SH3BP2: variants seen among roughly 807,000 people sequenced by gnomAD.
The protein encoded by SH3BP2 is SH3 domain binding protein 2, also known as SH3 domain-binding protein 2.
A neutral mutation model predicts 56.2 loss-of-function variants in SH3BP2; 38 were observed. The ratio of observed to expected loss-of-function variants is 0.68; its 90% confidence interval spans 0.52 to 0.89. SH3BP2 has a LOEUF of 0.89. SH3BP2 is among the 40% of genes least tolerant of loss of function. The pLI is 0.00. For missense variants in SH3BP2, 748 were observed against 762.6 expected (o/e 0.98, Z 0.23); for synonymous variants, 346 against 316.7 (o/e 1.09, Z -0.98).
chr4:2,821,323 G>A (rs1189263228), intron 2 of SH3BP2, among the ~76,000 whole-genome samples: 1 of 152,262 alleles, frequency 6.6e-6, no homozygotes, highest in African/African-American at 2.4e-5. Flanking sequence ...CCCTGGTCCT[G>A]GGCCGCCTGG....
At position 2,820,625 on chromosome 4, in the gene SH3BP2, C is replaced by G. The variant is rs1455119402; in HGVS notation, c.8C>G (p.Ala3Gly). MA[A>G]EEMHWPVPMK... is the part of the protein sequence containing the mutation. The stretch of plus-strand genomic sequence containing the variant: ...GTCCTTTATTGCAGCTTCATGGCGG[C>G]TGAAGAGATGCATTGGCCTGTCCCT... The change falls in exon 2 of 13, where the codon GCT (alanine) becomes GGT (glycine). Residue 3 changes from alanine (A) to glycine (G), a missense_variant. Ala to Gly is a moderately conservative substitution (Grantham distance 60, BLOSUM62 0). Coordinates refer to ENST00000503393, the MANE Select transcript of SH3BP2 (RefSeq NM_001122681.2). 6.2e-7 allele frequency: 1 copy of G among 1,614,166 alleles called. No individual in the cohort carries two copies. Among genetic ancestry groups the G allele is most frequent in the Admixed American group, 1.7e-5 (1 of 60,020 alleles).
At position 2,810,540 on chromosome 4, in the gene SH3BP2, C is replaced by T. The variant is rs1723705248; in HGVS notation, c.-4-10074C>T. On this transcript the variant is annotated intron_variant, in intron 1 of 12. Transcript: ENST00000503393. This position sits in a 1 kb window ranked among gnomAD's most constrained non-coding sequence, Gnocchi z 4.2. The stretch of plus-strand genomic sequence containing the variant: ...GGTGGCGTGTTCCTGAGAGCGCCGG[C>T]TGCCTCTGGGTTCTTATCTTCATGG... Among the ~76,000 whole-genome samples, 2 of 151,982 alleles carry T rather than the reference C, an allele frequency of 1.3e-5. No homozygotes were observed. The highest frequency in any genetic ancestry group is 4.1e-4 in the South Asian group (2 of 4,826).
chr4:2,832,083 C>A, intron 10 of SH3BP2, 105 bp downstream of exon 10: 2 of 1,243,616 alleles, frequency 1.6e-6, no homozygotes, highest in Non-Finnish European at 2.3e-6. Context: ...GGCACAAGTT[C>A]ATGGCCCTGC....
Position 2,810,523 on chromosome 4 carries a change from GT to G in SH3BP2, c.-4-10089del, listed in dbSNP as rs1723703632. On this transcript the variant is annotated intron_variant, in intron 1 of 12. Transcript: ENST00000503393. The surrounding 1 kb of genome is among the most constrained non-coding windows in gnomAD (Gnocchi z 4.2). Reference sequence around the variant, plus strand: ...TTGCCTGCCCAGTAAGGGGTGGCGTGTTCCTGAGAGCGCCGGCTGCCTCTGG... The same window carrying G: ...TTGCCTGCCCAGTAAGGGGTGGCGTGTCCTGAGAGCGCCGGCTGCCTCTGG... Among the ~76,000 whole-genome samples, 1 of 151,854 alleles carries G rather than the reference GT, an allele frequency of 6.6e-6. No homozygotes were observed. Among genetic ancestry groups the G allele is most frequent in the African/African-American group, 2.4e-5 (1 of 41,256 alleles).
chr4:2,824,784 G>C (rs1305420953), intron 4 of SH3BP2, 54 bp downstream of exon 4: 1 of 1,362,416 alleles, frequency 7.3e-7, no homozygotes, highest in East Asian at 2.3e-5. Context: ...GGGCCTGCAG[G>C]CACCAGGCTG....
At chr4:2,821,328 G>A (rs540852406) in intron 2 of SH3BP2, among the ~76,000 whole-genome samples, 11 of 152,352 alleles carry the variant, frequency 7.2e-5, no homozygotes, top group African/African-American at 2.2e-4. Flanking sequence ...GTCCTGGGCC[G>A]CCTGGTTGAG....
rs371367130 is a variant in SH3BP2, at chr4:2,832,308, C to T, written c.1407-23C>T. ...AAGCTGCCCGAGGAGGACTCACCCG[C>T]TAATATGACTGTCTTATTTTAGGTT... On this transcript the variant is annotated intron_variant, in intron 10 of 12. Transcript: ENST00000503393. The T allele has an allele frequency of 6.2e-5, 100 of 1,601,232 alleles. No individual in the cohort carries two copies. In the African/African-American group the frequency reaches 1.1e-3, roughly 17 times the overall value.
chr4:2,823,570 G>A (rs1403181816), intron 3 of SH3BP2: 1 of 455,496 alleles, frequency 2.2e-6, no homozygotes, highest in Non-Finnish European at 4.4e-6. Flanking sequence ...GCACTAACAG[G>A]CAGGTGGGCG....
intron 1 of SH3BP2, among the ~76,000 whole-genome samples, chr4:2,800,413 C>T (rs953238220): frequency 3.9e-5 from 6 of 152,154 alleles, no homozygotes; most frequent in East Asian, 1.9e-4. Context: ...CTGAGCTGCC[C>T]GAGCCTGCCC....
chr4:2,802,097 C>A (rs1373263827), intron 1 of SH3BP2, among the ~76,000 whole-genome samples: 3 of 149,094 alleles, frequency 2.0e-5, no homozygotes, highest in Admixed American at 6.7e-5. Context: ...GACAGAGAGA[C>A]CTGATCTCAA....
In SH3BP2 at chr4:2,840,907, T is replaced by A. The variant is rs1189061337; in HGVS notation, c.*7073T>A. 2 of 152,222 alleles carry A rather than the reference T, an allele frequency of 1.3e-5. No homozygotes were observed. Among genetic ancestry groups the A allele is most frequent in the Non-Finnish European group, 2.9e-5 (2 of 68,036 alleles). 9.4% of individuals were successfully genotyped at this position (152,222 alleles called of 1,614,324 possible). A position where few individuals can be genotyped will look rare whatever the true frequency, so the allele number is the denominator to read the frequency against. On this transcript the variant is annotated 3_prime_UTR_variant, in exon 13 of 13. Transcript: ENST00000503393. ...CAATAGGATTTTATATTTTTGTCCA[T>A]TGTGGTCTTGCTTATCTTAAGTTTG...
In SH3BP2 at chr4:2,824,645, A is replaced by G; in HGVS notation, c.272A>G (p.Asn91Ser). The change falls in exon 4 of 13, where the codon AAC becomes AGC. Residue 91 changes from asparagine (N) to serine (S), a missense_variant. Physicochemically the swap from Asn to Ser is conservative, Grantham distance 46 (BLOSUM62 1). This residue lies in a region of SH3BP2 where 104 missense variants were observed against 123.1 expected (regional missense o/e 0.84). Transcript: ENST00000503393. The part of the protein sequence containing the change: ...VMRAAEETTS[N>S]NVFPFKIIHI... ...CGGGCGGCTGAGGAGACCACGTCCA[A>G]CAACGTTTTCCCCTTCAAGATCATC... The G allele has an allele frequency of 1.2e-6, 2 of 1,613,940 alleles. No individual in the cohort carries two copies. Among genetic ancestry groups the G allele is most frequent in the South Asian group, 1.1e-5 (1 of 91,080 alleles).
At chr4:2,823,417 C>T (rs1724416248) in intron 3 of SH3BP2, 1 of 462,664 alleles carries the variant, frequency 2.2e-6, no homozygotes, top group African/African-American at 2.0e-5. Context: ...CCAGCCAGCC[C>T]AGGCCCTGTC....
At chr4:2,827,101 G>A (rs778770746) in intron 5 of SH3BP2, 129 bp from the exon 6 acceptor site, 3 of 744,144 alleles carry the variant, frequency 4.0e-6, no homozygotes, top group Non-Finnish European at 7.2e-6. Context: ...GTGTTTGTCA[G>A]TGTATCCGTG....
chr4:2,809,531 G>C (rs1381016459), intron 1 of SH3BP2, among the ~76,000 whole-genome samples: 2 of 152,110 alleles, frequency 1.3e-5, no homozygotes, highest in African/African-American at 2.4e-5. Flanking sequence ...GGGTCCCTGG[G>C]TGCCAGTCCC....
intron 1 of SH3BP2, chr4:2,798,927 G>A (rs11722784): frequency 0.2 from 188,525 of 938,904 alleles, 19,472 homozygotes; most frequent in African/African-American, 0.28. Context: ...GGATGCGTGA[G>A]GGTGAGGGTG....
intron 3 of SH3BP2, 111 bp from the exon 4 acceptor site, chr4:2,824,502 C>T: frequency 1.2e-6 from 1 of 837,358 alleles, no homozygotes; most frequent in Non-Finnish European, 2.0e-6. Flanking sequence ...GATCTGCCCT[C>T]TTCCGTTGGG....
intron 1 of SH3BP2, chr4:2,818,317 CCGTGCCGG>C: frequency 8.9e-7 from 1 of 1,120,556 alleles, no homozygotes; most frequent in East Asian, 4.5e-5. Flanking sequence ...CGGCCCGGGG[CCGTGCCGG>C]TGCTCGCAGG....
intron 1 of SH3BP2, chr4:2,812,589 T>C (rs1723799472): frequency 7.3e-7 from 1 of 1,363,586 alleles, no homozygotes. Flanking sequence ...GGGCTGGCCG[T>C]GGGAGCCCAC....
Sources: gnomAD v4.1 joint callset for allele counts (sites outside exome capture counted in the v4.1 genomes callset) on GRCh38, gnomAD v4.1.1 for gene constraint, gnomAD v4.1.1 regional missense constraint, Gnocchi (gnomAD v3.1) non-coding constraint, MANE v1.5 for transcripts, NCBI Gene and HGNC (gene_info 2026-07-23, HGNC 2026-07-21) for gene names.